Variants in PPP1R9A observed in about 807,000 individuals in gnomAD.
PPP1R9A encodes neurabin-1.
A neutral mutation model predicts 141.9 loss-of-function variants in PPP1R9A; 59 were observed. That is an observed-to-expected ratio of 0.42 (90% confidence interval 0.34 to 0.52). The LOEUF (loss-of-function observed/expected upper bound fraction) is 0.52, where lower values mean the gene tolerates loss of function less well. PPP1R9A is among the 20% of genes least tolerant of loss of function. PPP1R9A has a pLI of 0.10. For missense variants in PPP1R9A, 1,444 were observed against 1,611.9 expected (o/e 0.90, Z 1.78); for synonymous variants, 500 against 569.7 (o/e 0.88, Z 1.74).
At chr7:94,927,337 A>G (rs1465643473) in intron 2 of PPP1R9A, among the ~76,000 whole-genome samples, 1 of 152,190 alleles carries the variant, frequency 6.6e-6, no homozygotes, top group Non-Finnish European at 1.5e-5. Context: ...AATTTAATAA[A>G]AGCACCTTTT....
intron 12 of PPP1R9A, among the ~76,000 whole-genome samples, chr7:95,254,239 C>T (rs938861607): frequency 1.3e-5 from 2 of 152,192 alleles, no homozygotes; most frequent in African/African-American, 4.8e-5. Context: ...ATATCAAGTG[C>T]TCTTCCAGTT....
chr7:94,979,752 G>T (rs1799865989), intron 2 of PPP1R9A, among the ~76,000 whole-genome samples: 1 of 152,142 alleles, frequency 6.6e-6, no homozygotes, highest in South Asian at 2.1e-4. Flanking sequence ...GTTTTTAATT[G>T]TAACTGTGCA....
chr7:94,965,358 T>C (rs1798089446), intron 2 of PPP1R9A, among the ~76,000 whole-genome samples: 1 of 152,104 alleles, frequency 6.6e-6, no homozygotes, highest in Non-Finnish European at 1.5e-5. Context: ...CTTTCATTGC[T>C]ATTGCTTTTG....
chr7:95,071,141 A>T (rs1232298137), intron 2 of PPP1R9A, among the ~76,000 whole-genome samples: 1 of 152,074 alleles, frequency 6.6e-6, no homozygotes, highest in Non-Finnish European at 1.5e-5. Context: ...AAATGGTTTC[A>T]TGCTATCACG....
chr7:95,072,438 G>T (rs955757425), intron 2 of PPP1R9A, among the ~76,000 whole-genome samples: 1 of 143,468 alleles, frequency 7.0e-6, no homozygotes, highest in Non-Finnish European at 1.5e-5. Context: ...AAACTGGAAG[G>T]TAGTTTTCAA....
At chr7:94,947,864 G>C (rs182836865) in intron 2 of PPP1R9A, among the ~76,000 whole-genome samples, 1 of 152,240 alleles carries the variant, frequency 6.6e-6, no homozygotes, top group Non-Finnish European at 1.5e-5. Context: ...TAAGATGAAA[G>C]CTTGTTTCAA....
At position 95,182,118 on chromosome 7, in the gene PPP1R9A, A is replaced by G. The variant is rs148896159; in HGVS notation, c.1755-16231A>G. ...GTGCACCAAAATCTCACAAATCACTAAAGGACTTACTCATGTAACCAAACA... is the reference window on the plus strand; with the variant it reads ...GTGCACCAAAATCTCACAAATCACTGAAGGACTTACTCATGTAACCAAACA... On this transcript the variant is annotated intron_variant, in intron 5 of 19. Transcript: ENST00000433360. Among the ~76,000 whole-genome samples, 806 of 152,128 alleles carry G rather than the reference A, an allele frequency of 5.3e-3. 4 individuals are homozygous for G. The highest frequency in any genetic ancestry group is 0.018 in the South Asian group (89 of 4,812).
At chr7:95,224,508 G>T (rs971047526) in intron 7 of PPP1R9A, among the ~76,000 whole-genome samples, 2 of 152,166 alleles carry the variant, frequency 1.3e-5, no homozygotes, top group Non-Finnish European at 2.9e-5. Flanking sequence ...TTCAGGCTCT[G>T]CAATTTAGAG....
intron 2 of PPP1R9A, among the ~76,000 whole-genome samples, chr7:94,973,976 C>T (rs561475937): frequency 6.6e-6 from 1 of 152,194 alleles, no homozygotes; most frequent in African/African-American, 2.4e-5. Context: ...TTCAGCCTCC[C>T]TAAGTGCTAG....
At chr7:95,107,454 T>C (rs2152427672) in intron 2 of PPP1R9A, among the ~76,000 whole-genome samples, 1 of 152,288 alleles carries the variant, frequency 6.6e-6, no homozygotes, top group Admixed American at 6.5e-5. Flanking sequence ...TGAATTTCTT[T>C]CTAACCTGTT....
At chr7:94,990,506 G>C (rs995917618) in intron 2 of PPP1R9A, among the ~76,000 whole-genome samples, 1 of 151,766 alleles carries the variant, frequency 6.6e-6, no homozygotes, top group African/African-American at 2.4e-5. Context: ...TGCATATCAG[G>C]GTAATTAGCA....
At chr7:95,249,586 A>T (rs769158379) in intron 9 of PPP1R9A, among the ~76,000 whole-genome samples, 16 of 152,128 alleles carry the variant, frequency 1.1e-4, no homozygotes, top group Admixed American at 3.9e-4. Context: ...TTAACCATTA[A>T]GCCATACTGT....
Position 94,961,810 on chromosome 7 carries a change from T to C in PPP1R9A, c.1395+50302T>C, listed in dbSNP as rs541337539. Among the ~76,000 whole-genome samples, 7 of 152,088 alleles carry C rather than the reference T, an allele frequency of 4.6e-5. No individual in the cohort carries two copies. In the South Asian group the frequency reaches 1.5e-3, roughly 32 times the overall value. On this transcript the variant is annotated intron_variant, in intron 2 of 19. Coordinates refer to ENST00000433360, the MANE Select transcript of PPP1R9A (RefSeq NM_001166160.2). ...ATTAAGCACAAATCGTAGAACAGAT[T>C]TGTATTGGTACAGCCAATGTATTTG...
At chr7:95,074,283 A>C (rs1313911566) in intron 2 of PPP1R9A, among the ~76,000 whole-genome samples, 1 of 152,086 alleles carries the variant, frequency 6.6e-6, no homozygotes, top group African/African-American at 2.4e-5. Context: ...ATCCCATCTT[A>C]ATATTACTAT....
intron 7 of PPP1R9A, among the ~76,000 whole-genome samples, chr7:95,204,613 ACACACCACACT>A (rs1311664741): frequency 1.1e-4 from 16 of 151,132 alleles, no homozygotes; most frequent in Non-Finnish European, 1.9e-4. Flanking sequence ...CACACCACAC[ACACACCACACT>A]CACACCACAC....
chr7:95,173,657 T>G (rs1832484914), intron 5 of PPP1R9A, among the ~76,000 whole-genome samples: 1 of 152,008 alleles, frequency 6.6e-6, no homozygotes, highest in South Asian at 2.1e-4. Flanking sequence ...TTCAATAAGA[T>G]TATTATAACA....
intron 4 of PPP1R9A, among the ~76,000 whole-genome samples, chr7:95,149,709 T>C (rs1828296692): frequency 6.7e-6 from 1 of 148,418 alleles, no homozygotes; most frequent in Admixed American, 6.8e-5. Context: ...AAAACTGTGA[T>C]CAAAGTTTTG....
In PPP1R9A at chr7:94,993,722, A is replaced by G. The variant is rs575888133; in HGVS notation, c.1395+82214A>G. Among the ~76,000 whole-genome samples the G allele has an allele frequency of 2.0e-5, 3 of 152,296 alleles. No homozygotes were observed. In the East Asian group the frequency reaches 5.8e-4, roughly 29 times the overall value. On this transcript the variant is annotated intron_variant, in intron 2 of 19. Transcript: ENST00000433360. ...TCTAGAAATGCAGTGGGTTTTAAAA[A>G]TACTTTTATTTTATATCTTTTAATC...
At chr7:95,026,816 C>T (rs1178932035) in intron 2 of PPP1R9A, among the ~76,000 whole-genome samples, 1 of 152,132 alleles carries the variant, frequency 6.6e-6, no homozygotes, top group Non-Finnish European at 1.5e-5. Context: ...AGTCTGGCTA[C>T]AGTGGCTTTG....
Sources: gnomAD v4.1 joint callset for allele counts (sites outside exome capture counted in the v4.1 genomes callset) on GRCh38, gnomAD v4.1.1 for gene constraint, MANE v1.5 for transcripts, NCBI Gene and HGNC (gene_info 2026-07-23, HGNC 2026-07-21) for gene names.